The following FHIT variants were observed in gnomAD, a reference collection of about 807,000 sequenced individuals.
FHIT encodes fragile histidine triad diadenosine triphosphatase.
FHIT carries 19 observed loss-of-function variants against 17.9 expected under a neutral mutation model. The ratio of observed to expected loss-of-function variants is 1.06; its 90% CI spans 0.74 to 1.56. The LOEUF is 1.56. Among genes scored for constraint, FHIT ranks in the 40% most tolerant of loss-of-function variants. FHIT has a pLI of 0.00. For missense variants in FHIT, 248 were observed against 189.2 expected (o/e 1.31, Z -1.82); for synonymous variants, 81 against 69.7 (o/e 1.16, Z -0.81).
At chr3:59,774,499 A>T (rs920725707) in intron 8 of FHIT, among the ~76,000 whole-genome samples, 1 of 152,228 alleles carries the variant, frequency 6.6e-6, no homozygotes, top group African/African-American at 2.4e-5. Context: ...ATGAGCATAC[A>T]TACCTAACAG....
At chr3:60,762,035 C>G (rs189205045) in intron 4 of FHIT, among the ~76,000 whole-genome samples, 3 of 152,210 alleles carry the variant, frequency 2.0e-5, no homozygotes, top group African/African-American at 7.2e-5. Context: ...CCAAAGAGAC[C>G]TCAGTGATTA....
chr3:59,957,292 G>C (rs1384783025), intron 7 of FHIT, among the ~76,000 whole-genome samples: 1 of 152,322 alleles, frequency 6.6e-6, no homozygotes, highest in Admixed American at 6.5e-5. Context: ...GAAACCAGGG[G>C]TGTGCATTCG....
At chr3:60,375,137 AACACTTTC>A (rs1700499740) in intron 5 of FHIT, among the ~76,000 whole-genome samples, 2 of 152,108 alleles carry the variant, frequency 1.3e-5, no homozygotes, top group Non-Finnish European at 2.9e-5. Flanking sequence ...AAACAAAAAA[AACACTTTC>A]ACGGTAGCAA....
intron 4 of FHIT, among the ~76,000 whole-genome samples, chr3:60,627,272 G>A (rs2039314658): frequency 6.6e-6 from 1 of 152,190 alleles, no homozygotes; most frequent in Non-Finnish European, 1.5e-5. Context: ...GAATTGGCCA[G>A]TGAAGTCATC....
At chr3:60,520,289 T>C (rs2035310447) in intron 5 of FHIT, among the ~76,000 whole-genome samples, 1 of 152,142 alleles carries the variant, frequency 6.6e-6, no homozygotes, top group African/African-American at 2.4e-5. Context: ...CTAATATACT[T>C]ATTGAAAAAA....
At chr3:60,979,912 ATTGCCATGTTG>A (rs1710421445) in intron 3 of FHIT, among the ~76,000 whole-genome samples, 1 of 152,214 alleles carries the variant, frequency 6.6e-6, no homozygotes, top group African/African-American at 2.4e-5. Flanking sequence ...GCCACATGAT[ATTGCCATGTTG>A]TTGCTCCAAT....
chr3:59,939,501 C>T (rs558474834), intron 7 of FHIT, among the ~76,000 whole-genome samples: 5 of 152,196 alleles, frequency 3.3e-5, no homozygotes, highest in East Asian at 3.9e-4. Context: ...GAATTTGCGG[C>T]GCAGGAGGTG....
intron 4 of FHIT, among the ~76,000 whole-genome samples, chr3:60,718,726 T>C (rs1559667100): frequency 6.6e-6 from 1 of 152,096 alleles, no homozygotes; most frequent in Non-Finnish European, 1.5e-5. Flanking sequence ...ATGTTAAGAG[T>C]TGGGAGAGAG....
intron 8 of FHIT, among the ~76,000 whole-genome samples, chr3:59,863,148 C>T (rs1270111391): frequency 6.6e-6 from 1 of 152,214 alleles, no homozygotes; most frequent in Non-Finnish European, 1.5e-5. Context: ...TATTTAGAAA[C>T]CTGGGTCAAT....
At chr3:61,213,627 T>A (rs998744271) in intron 1 of FHIT, among the ~76,000 whole-genome samples, 14 of 152,040 alleles carry the variant, frequency 9.2e-5, no homozygotes, top group South Asian at 4.2e-4. Context: ...GATATCCAGG[T>A]ATTGAACTCA....
At chr3:60,232,165 T>G (rs953509994) in intron 5 of FHIT, among the ~76,000 whole-genome samples, 1 of 152,192 alleles carries the variant, frequency 6.6e-6, no homozygotes, top group Non-Finnish European at 1.5e-5. Context: ...ACTGTCCCTG[T>G]AAGAACACTC....
At chr3:60,392,185 A>G (rs1221475840) in intron 5 of FHIT, among the ~76,000 whole-genome samples, 1 of 152,210 alleles carries the variant, frequency 6.6e-6, no homozygotes, top group Non-Finnish European at 1.5e-5. Flanking sequence ...CACTAAGAAG[A>G]TTAAGACATC....
rs115073554 is a variant in FHIT, at chr3:60,978,060, C to T, written c.-111+63987G>A. Among the ~76,000 whole-genome samples the T allele has an allele frequency of 6.8e-3, 1,031 of 152,126 alleles. 10 individuals are homozygous for T. Among genetic ancestry groups the T allele is most frequent in the Non-Finnish European group, 9.5e-3 (645 of 67,986 alleles). ...TGAAAAAGAGTGGAAAGAGAAGAGG[C>T]GGTGTCAAAGGAAAAGAGAAAAAAT... is the stretch of plus-strand genomic sequence containing the variant. On this transcript the variant is annotated intron_variant, in intron 3 of 9. Transcript: ENST00000492590.
At chr3:59,823,284 G>A (rs1247997942) in intron 8 of FHIT, among the ~76,000 whole-genome samples, 1 of 151,998 alleles carries the variant, frequency 6.6e-6, no homozygotes, top group East Asian at 1.9e-4. Flanking sequence ...GGCTCTTTTT[G>A]GTTCCATATG....
rs533663728 is a variant in FHIT at position 60,504,327 on chromosome 3, G to A, written c.103+32533C>T. Among the ~76,000 whole-genome samples the A allele has an allele frequency of 2.6e-3, 398 of 152,018 alleles. 1 individual carries two copies. Among genetic ancestry groups the A allele is most frequent in the African/African-American group, 8.9e-3 (370 of 41,452 alleles). On this transcript the variant is annotated intron_variant, in intron 5 of 9. Transcript: ENST00000492590. ...CACGCGCCTGTAATCCCAGCTACTC[G>A]GGAGGCTGAGGCAGGAGAATCACTT...
intron 4 of FHIT, among the ~76,000 whole-genome samples, chr3:60,557,415 T>A (rs1419916964): frequency 6.6e-5 from 10 of 151,542 alleles, no homozygotes; most frequent in African/African-American, 2.4e-4. Flanking sequence ...AAAAAAAAAA[T>A]AGACATGATG....
At chr3:59,843,936 T>C (rs1043892329) in intron 8 of FHIT, among the ~76,000 whole-genome samples, 17 of 152,174 alleles carry the variant, frequency 1.1e-4, no homozygotes, top group African/African-American at 3.9e-4. Flanking sequence ...AGAACTCTAA[T>C]GGCTTGGTGC....
At chr3:60,249,592 T>C (rs1223245498) in intron 5 of FHIT, among the ~76,000 whole-genome samples, 1 of 151,106 alleles carries the variant, frequency 6.6e-6, no homozygotes, top group Admixed American at 6.6e-5. Context: ...AAGACATGAA[T>C]GGACAAATTA....
At chr3:60,738,236 G>C (rs6779150) in intron 4 of FHIT, among the ~76,000 whole-genome samples, 12,047 of 152,250 alleles carry the variant, frequency 0.079, 567 homozygotes, top group East Asian at 0.24. Flanking sequence ...GTGCGAACAT[G>C]ATAATTCTTT....
Sources: gnomAD v4.1 joint callset for allele counts (sites outside exome capture counted in the v4.1 genomes callset) on GRCh38, gnomAD v4.1.1 for gene constraint, MANE v1.5 for transcripts, NCBI Gene and HGNC (gene_info 2026-07-23, HGNC 2026-07-21) for gene names.